Variants in MBOAT2 observed in about 807,000 individuals in gnomAD.
MBOAT2 encodes membrane bound glycerophospholipid O-acyltransferase 2.
MBOAT2 carries 28 observed loss-of-function variants against 63.4 expected under a neutral mutation model. The ratio of observed to expected loss-of-function variants is 0.44; its 90% CI spans 0.33 to 0.61. MBOAT2 has a LOEUF of 0.61. MBOAT2 is among the 20% of genes least tolerant of loss of function. MBOAT2 has a pLI of 0.03. For missense variants in MBOAT2, 470 were observed against 605.8 expected (o/e 0.78, Z 2.35); for synonymous variants, 211 against 215.6 (o/e 0.98, Z 0.19).
chr2:8,950,673 C>T (rs189408762), intron 2 of MBOAT2, among the ~76,000 whole-genome samples: 3 of 152,266 alleles, frequency 2.0e-5, no homozygotes, highest in Non-Finnish European at 2.9e-5. Flanking sequence ...ATGATCCACC[C>T]GTCTCGGCCT....
rs1661574496 is a variant in MBOAT2, at chr2:8,862,604, A to T, written c.1171T>A (p.Leu391Ile). 1 of 1,608,172 alleles carries T rather than the reference A, an allele frequency of 6.2e-7. No homozygotes were observed. Among genetic ancestry groups the T allele is most frequent in the African/African-American group, 1.3e-5 (1 of 74,452 alleles). ...TTGATACTTACAGCTCTTGCTGCTA[A>T]TGTCATTAACACCCCTGTTAGAAAC... is the stretch of plus-strand genomic sequence containing the variant. ...LTFLTGVLMT[L>I]AARAMRNNFR... The change falls in exon 11 of 13, where the codon TTA becomes ATA. Residue 391 changes from leucine (L) to isoleucine (I), a missense_variant. This residue lies in a region of MBOAT2 where 376 missense variants were observed against 503.8 expected (regional missense o/e 0.75). Coordinates refer to ENST00000305997, the MANE Select transcript of MBOAT2 (RefSeq NM_138799.4). This position sits in a 1 kb window ranked among gnomAD's most constrained non-coding sequence, Gnocchi z 4.3.
chr2:8,859,776 T>C (rs1008863819), intron 12 of MBOAT2, among the ~76,000 whole-genome samples: 1 of 152,172 alleles, frequency 6.6e-6, no homozygotes, highest in African/African-American at 2.4e-5. Context: ...GGAGAGGAGA[T>C]AAGTAGATTA....
At chr2:8,899,644 C>T (rs747875730) in intron 4 of MBOAT2, among the ~76,000 whole-genome samples, 7 of 152,182 alleles carry the variant, frequency 4.6e-5, no homozygotes, top group African/African-American at 7.2e-5. Context: ...CACTGCATAG[C>T]GGACATGGAT....
At chr2:8,864,076 C>G (rs774783717) in intron 10 of MBOAT2, 94 bp downstream of exon 10, 12 of 841,476 alleles carry the variant, frequency 1.4e-5, no homozygotes. Context: ...TCACTCAACA[C>G]CGTTAATTTA....
chr2:8,993,979 C>T (rs1481073188), intron 1 of MBOAT2, among the ~76,000 whole-genome samples: 1 of 152,142 alleles, frequency 6.6e-6, no homozygotes, highest in Non-Finnish European at 1.5e-5. Context: ...ACCACAACTC[C>T]GTAGGGAGAC....
At chr2:8,920,608 T>C (rs982604190) in intron 3 of MBOAT2, among the ~76,000 whole-genome samples, 12 of 152,070 alleles carry the variant, frequency 7.9e-5, no homozygotes, top group Admixed American at 7.2e-4. Context: ...ATTAAATCTA[T>C]AGATGAATTT....
intron 4 of MBOAT2, among the ~76,000 whole-genome samples, chr2:8,895,170 A>G (rs1164302311): frequency 6.6e-6 from 1 of 152,258 alleles, no homozygotes; most frequent in Non-Finnish European, 1.5e-5. Context: ...CTGCTGGCTC[A>G]CCTGGCCTGC....
At chr2:8,931,453 ATTTG>A (rs1352385939) in intron 3 of MBOAT2, among the ~76,000 whole-genome samples, 1 of 151,922 alleles carries the variant, frequency 6.6e-6, no homozygotes, top group Non-Finnish European at 1.5e-5. Context: ...TTTCTTGTAA[ATTTG>A]TTTAAGTTCC....
chr2:8,933,923 C>T (rs1667493193), intron 3 of MBOAT2, among the ~76,000 whole-genome samples: 1 of 152,122 alleles, frequency 6.6e-6, no homozygotes, highest in African/African-American at 2.4e-5. Flanking sequence ...GAAACCTCAA[C>T]AGGGATTCAG....
At chr2:8,888,147 A>G in intron 4 of MBOAT2, 74 bp from the exon 5 acceptor site, 2 of 1,358,984 alleles carry the variant, frequency 1.5e-6, no homozygotes, top group Non-Finnish European at 2.1e-6. Flanking sequence ...ATGAGTTAAG[A>G]GTTTATTCTG....
Position 8,858,662 on chromosome 2 carries a change from C to T in MBOAT2, c.*17G>A. The T allele has an allele frequency of 1.3e-6, 2 of 1,570,766 alleles. No individual in the cohort carries two copies. Among genetic ancestry groups the T allele is most frequent in the South Asian group, 2.3e-5 (2 of 86,402 alleles). ...GTTAACATCAAAAAAAAAAAACAGC[C>T]CTCAGAGCCTTCCCGATCACTGCTT... On this transcript the variant is annotated 3_prime_UTR_variant, in exon 13 of 13. Transcript: ENST00000305997.
At chr2:8,966,050 A>G (rs1669955433) in intron 1 of MBOAT2, among the ~76,000 whole-genome samples, 1 of 152,286 alleles carries the variant, frequency 6.6e-6, no homozygotes, top group South Asian at 2.1e-4. Flanking sequence ...TTTTGATAAC[A>G]TATTCTTAAC....
At chr2:8,907,754 T>C (rs527909792) in intron 4 of MBOAT2, among the ~76,000 whole-genome samples, 2 of 152,370 alleles carry the variant, frequency 1.3e-5, no homozygotes, top group South Asian at 4.1e-4. Context: ...AAAATCTGTG[T>C]AGTAAAATAT....
At chr2:8,943,588 T>A (rs184785058) in intron 2 of MBOAT2, among the ~76,000 whole-genome samples, 221 of 152,280 alleles carry the variant, frequency 1.5e-3, no homozygotes, top group Admixed American at 0.013. Flanking sequence ...ACAATTATTT[T>A]AAAAAGTAAT....
intron 1 of MBOAT2, among the ~76,000 whole-genome samples, chr2:8,985,605 T>C (rs1007122271): frequency 6.6e-6 from 1 of 152,174 alleles, no homozygotes; most frequent in Non-Finnish European, 1.5e-5. Flanking sequence ...TTATCTGCCC[T>C]AGCTGCTTAG....
chr2:8,924,011 C>G (rs1223844886), intron 3 of MBOAT2, among the ~76,000 whole-genome samples: 3 of 152,150 alleles, frequency 2.0e-5, no homozygotes, highest in East Asian at 1.9e-4. Context: ...CCAGAAACAT[C>G]TATGCTTAGT....
chr2:8,995,450 C>CA (rs1199900242), intron 1 of MBOAT2, among the ~76,000 whole-genome samples: 1 of 152,176 alleles, frequency 6.6e-6, no homozygotes, highest in African/African-American at 2.4e-5. Flanking sequence ...GTTTCAGGGC[C>CA]AAATTGCCTA....
intron 3 of MBOAT2, among the ~76,000 whole-genome samples, chr2:8,932,925 G>C (rs1667425543): frequency 6.6e-6 from 1 of 152,128 alleles, no homozygotes; most frequent in African/African-American, 2.4e-5. Flanking sequence ...CCACATCACA[G>C]GTAGAGTTCA....
intron 2 of MBOAT2, among the ~76,000 whole-genome samples, chr2:8,948,282 TG>T (rs1558646273): frequency 6.6e-6 from 1 of 152,242 alleles, no homozygotes; most frequent in East Asian, 1.9e-4. Context: ...TTCCTTCAGA[TG>T]GAGTCTACTC....
Sources: allele counts gnomAD v4.1 joint callset (sites outside exome capture counted in the v4.1 genomes callset), GRCh38; gene constraint gnomAD v4.1.1; regional missense constraint gnomAD v4.1.1; non-coding constraint Gnocchi (gnomAD v3.1); transcripts MANE v1.5; gene names NCBI Gene and HGNC (gene_info 2026-07-23, HGNC 2026-07-21).